The following HOOK2 variants were observed in gnomAD, a reference collection of about 807,000 sequenced individuals.
The protein encoded by HOOK2 is hook microtubule tethering protein 2.
Under a neutral mutation model 111.9 loss-of-function variants are expected in HOOK2, and 108 were observed. The ratio of observed to expected loss-of-function variants is 0.96; its 90% CI spans 0.83 to 1.13. HOOK2 has a LOEUF of 1.13. HOOK2 is among the 50% of genes most tolerant of loss of function. The probability of loss-of-function intolerance (pLI) is 0.00; values close to 1 mark genes in which losing one functional copy is unlikely to be tolerated. For synonymous variants in HOOK2, 405 were observed against 394.3 expected, an observed-to-expected ratio of 1.03 and a Z score of -0.32; for missense variants, 978 against 951.3, an observed-to-expected ratio of 1.03 and a Z score of -0.37.
rs945162805 is a variant in HOOK2 at position 12,763,138 on chromosome 19, C to T, written c.*144G>A. The T allele has an allele frequency of 1.5e-6, 1 of 670,158 alleles. No homozygotes were observed. The highest frequency in any genetic ancestry group is 1.8e-5 in the South Asian group (1 of 54,860). 41.5% of individuals were successfully genotyped at this position (670,158 alleles called of 1,614,324 possible). ...GGCCTATATCTACCTCCCGCCCTCCCTCCCCACCAATCTGGGAGAGGGAAG... is the reference window on the plus strand; with the variant it reads ...GGCCTATATCTACCTCCCGCCCTCCTTCCCCACCAATCTGGGAGAGGGAAG... On this transcript the variant is annotated 3_prime_UTR_variant, in exon 23 of 23. Transcript: ENST00000397668.
intron 3 of HOOK2, chr19:12,774,405 C>G (rs1274497384): frequency 1.8e-6 from 1 of 558,136 alleles, no homozygotes; most frequent in South Asian, 2.0e-5. Flanking sequence ...TGCGCCCAGC[C>G]TGGAAGTTAA....
chr19:12,772,744 C>T, intron 5 of HOOK2, 36 bp downstream of exon 5: 1 of 1,613,256 alleles, frequency 6.2e-7, no homozygotes, highest in Non-Finnish European at 8.5e-7. Flanking sequence ...AGGATTTCCT[C>T]AGGCCAGCCC....
intron 10 of HOOK2, among the ~76,000 whole-genome samples, chr19:12,770,387 C>A (rs1284177975): frequency 6.6e-6 from 1 of 151,426 alleles, no homozygotes; most frequent in Non-Finnish European, 1.5e-5. Context: ...GCCAAGGATA[C>A]CTTGGAGTCA....
chr19:12,769,106 C>T (rs2145746786), intron 11 of HOOK2, among the ~76,000 whole-genome samples: 1 of 152,064 alleles, frequency 6.6e-6, no homozygotes, highest in African/African-American at 2.4e-5. Context: ...GCTGGGACTA[C>T]AGGCGCCCAC....
chr19:12,768,372 G>A (rs1003683145), intron 11 of HOOK2, among the ~76,000 whole-genome samples: 1 of 152,174 alleles, frequency 6.6e-6, no homozygotes, highest in Non-Finnish European at 1.5e-5. Flanking sequence ...TGGGATTACA[G>A]GTGTGAGCCG....
In HOOK2 at chr19:12,775,455, C is replaced by CA; in HGVS notation, c.-7_-6insT. 6.2e-7 allele frequency: 1 copy of CA among 1,611,546 alleles called. No homozygotes were observed. The highest frequency in any genetic ancestry group is 8.5e-7 in the Non-Finnish European group (1 of 1,179,228). On this transcript the variant is annotated 5_prime_UTR_variant, in exon 1 of 23. Coordinates refer to ENST00000397668, the MANE Select transcript of HOOK2 (RefSeq NM_013312.3). ...TCAGCTTTGTCCACGCTCATGGCTC[C>CA]CGATCGGATTCAATCCAGGCCACGG...
At chr19:12,780,778 A>G (rs1305460225), upstream of HOOK2, among the ~76,000 whole-genome samples, 1 of 124,340 alleles carries the variant, frequency 8.0e-6, no homozygotes, top group Non-Finnish European at 1.6e-5. Context: ...GGAGATCGAG[A>G]CCATCCTGGC....
chr19:12,791,588 C>T lies in HOOK2; in HGVS notation n.42-17363G>A. 5.8e-6 allele frequency: 3 copies of T among 517,738 alleles called. No homozygotes were observed. The highest frequency in any genetic ancestry group is 6.7e-6 in the Non-Finnish European group (2 of 297,050). The allele number at this position is 517,738 out of a possible 1,614,324, so 32.1% of individuals were successfully genotyped here. A position where few individuals can be genotyped will look rare whatever the true frequency, so the allele number is the denominator to read the frequency against. On this transcript the variant is annotated intron_variant and non_coding_transcript_variant, in intron 3 of 3. Coordinates refer to the HOOK2 transcript ENST00000589765. This position sits in a 1 kb window ranked among gnomAD's most constrained non-coding sequence, Gnocchi z 7.0. ...ATCGCGCCAGAGAGGGCGACGGGGG[C>T]TCGGGAAGCCTGACAGGGCTTTTGC...
chr19:12,784,054 C>G (rs1372573671), intron 3 of HOOK2, among the ~76,000 whole-genome samples: 1 of 152,020 alleles, frequency 6.6e-6, no homozygotes, highest in African/African-American at 2.4e-5. Context: ...ACGCCTGGGT[C>G]CTGACCCGCG....
intron 3 of HOOK2, among the ~76,000 whole-genome samples, chr19:12,783,968 C>A (rs971109301): frequency 6.6e-6 from 1 of 151,910 alleles, no homozygotes. Context: ...GGGCCCGTCA[C>A]CTCCCCGCCC....
intron 3 of HOOK2, chr19:12,792,298 C>T (rs768002938): frequency 4.7e-5 from 71 of 1,499,430 alleles, no homozygotes; most frequent in South Asian, 1.3e-5. Flanking sequence ...TACGCCGGCC[C>T]GGAGCCACCT....
chr19:12,768,094 C>A lies in HOOK2; in HGVS notation c.1134G>T (p.Glu378Asp). 1 of 1,614,216 alleles carries A rather than the reference C, an allele frequency of 6.2e-7. No individual in the cohort carries two copies. The highest frequency in any genetic ancestry group is 8.5e-7 in the Non-Finnish European group (1 of 1,180,034). ...GCCATTTCTCGGCCTTCATGGCCTCCTCCTGCCGCTGGCCCTGCAGTTCCT... is the reference window on the plus strand; with the variant it reads ...GCCATTTCTCGGCCTTCATGGCCTCATCCTGCCGCTGGCCCTGCAGTTCCT... Reference protein sequence around the residue: ...QVQELQGQRQEEAMKAEKWLF... With the variant: ...QVQELQGQRQDEAMKAEKWLF... Residue 378 changes from glutamate (E) to aspartate (D), a missense_variant, in exon 12 of 23, where the codon GAG becomes GAT. Glu to Asp is a conservative substitution (Grantham distance 45). Around this residue, in one of 5 missense-constraint regions of HOOK2, gnomAD observed 388 missense variants for 358.3 expected, o/e 1.08. Transcript: ENST00000397668.
chr19:12,776,442 G>A (rs1362941960), upstream of HOOK2, among the ~76,000 whole-genome samples: 2 of 151,680 alleles, frequency 1.3e-5, no homozygotes, highest in Non-Finnish European at 2.9e-5. Flanking sequence ...AGCACTTTGG[G>A]AGGCCGAGGC....
chr19:12,784,372 GACTGTCAC>G (rs1430262142), intron 3 of HOOK2, among the ~76,000 whole-genome samples: 1 of 152,090 alleles, frequency 6.6e-6, no homozygotes, highest in Non-Finnish European at 1.5e-5. Context: ...ATCCAGCAAT[GACTGTCAC>G]ACATGGACAC....
chr19:12,764,851 T>C lies in HOOK2; in HGVS notation c.1790A>G (p.Glu597Gly), dbSNP rs1209824334. Reference protein sequence around the residue: ...QKKDADLRAMEERYRRYVDKA... With the variant: ...QKKDADLRAMGERYRRYVDKA... ...GTCCACGTAGCGGCGGTATCGCTCC[T>C]CCATGGCCCGCAAGTCCGCGTCCTT... The change falls in exon 20 of 23, where the codon GAG becomes GGG. Residue 597 changes from glutamate (E) to glycine (G), a missense_variant. Physicochemically the swap from Glu to Gly is moderately conservative, Grantham distance 98 (BLOSUM62 -2). Coordinates refer to ENST00000397668, the MANE Select transcript of HOOK2 (RefSeq NM_013312.3). 1.2e-6 allele frequency: 2 copies of C among 1,613,906 alleles called. No individual in the cohort carries two copies. The highest frequency in any genetic ancestry group is 2.7e-5 in the African/African-American group (2 of 74,922).
intron 17 of HOOK2, 26 bp from the exon 18 acceptor site, chr19:12,765,750 G>C (rs750210412): frequency 6.2e-7 from 1 of 1,614,208 alleles, no homozygotes; most frequent in Admixed American, 1.7e-5. Flanking sequence ...GGCAAGGTGA[G>C]TGGGGGATCC....
intron 18 of HOOK2, 150 bp downstream of exon 18, chr19:12,765,540 G>C: frequency 9.4e-7 from 1 of 1,064,250 alleles, no homozygotes; most frequent in Non-Finnish European, 1.4e-6. Flanking sequence ...CTGGGGTCAG[G>C]AGTCCGAGAC....
chr19:12,773,529 G>A (rs1968401424), intron 3 of HOOK2, among the ~76,000 whole-genome samples: 1 of 151,924 alleles, frequency 6.6e-6, no homozygotes, highest in Non-Finnish European at 1.5e-5. Flanking sequence ...TTACAGGCAT[G>A]AGCCACTGTG....
intron 3 of HOOK2, among the ~76,000 whole-genome samples, chr19:12,785,840 A>G (rs939170095): frequency 3.3e-5 from 5 of 151,840 alleles, no homozygotes; most frequent in African/African-American, 1.2e-4. Context: ...CTCTCTCCAA[A>G]CATCACCCCC....
Sources: allele counts gnomAD v4.1 joint callset (sites outside exome capture counted in the v4.1 genomes callset), GRCh38; gene constraint gnomAD v4.1.1; regional missense constraint gnomAD v4.1.1; non-coding constraint Gnocchi (gnomAD v3.1); transcripts MANE v1.5; gene names NCBI Gene and HGNC (gene_info 2026-07-23, HGNC 2026-07-21).